PDE8B: variants seen among roughly 807,000 people sequenced by gnomAD.
PDE8B encodes the protein phosphodiesterase 8B.
Under a neutral mutation model 101.3 loss-of-function variants are expected in PDE8B, and 26 were observed. That is an observed-to-expected ratio of 0.26 (90% CI 0.19 to 0.36). The LOEUF (loss-of-function observed/expected upper bound fraction) is 0.36, where lower values mean the gene tolerates loss of function less well. PDE8B is among the 10% of genes least tolerant of loss of function. The pLI is 1.00. For synonymous variants in PDE8B, 424 were observed against 429.3 expected, an observed-to-expected ratio of 0.99 and a Z score of 0.15; for missense variants, 810 against 1,163.1, an observed-to-expected ratio of 0.70 and a Z score of 4.42.
At chr5:77,263,666 C>G (rs1169648267) in intron 1 of PDE8B, among the ~76,000 whole-genome samples, 1 of 152,092 alleles carries the variant, frequency 6.6e-6, no homozygotes, top group African/African-American at 2.4e-5. Context: ...TTTCCAAGAC[C>G]CCTTGCCCAA....
chr5:77,179,246 C>T, the PDE8B span, among the ~76,000 whole-genome samples: 1 of 152,202 alleles, frequency 6.6e-6, no homozygotes, highest in Non-Finnish European at 1.5e-5. Flanking sequence ...AATAATTTTT[C>T]CTCGTTTTAT....
In PDE8B at chr5:77,420,005, G is replaced by A. The variant is rs1796304856; in HGVS notation, c.2250+118G>A. On this transcript the variant is annotated intron_variant, in intron 19 of 21. Transcript: ENST00000264917. ...GTAAGGTGGTTATTTACTTGGAGTT[G>A]ATAAAGGGCTGAAAGGACTGGCCAC... is the stretch of plus-strand genomic sequence containing the variant. The A allele has an allele frequency of 1.2e-5, 14 of 1,201,502 alleles. No homozygotes were observed. The East Asian group carries it at 3.4e-4, about 29-fold the overall frequency. 74.4% of individuals were successfully genotyped at this position (1,201,502 alleles called of 1,614,324 possible). A position where few individuals can be genotyped will look rare whatever the true frequency, so the allele number is the denominator to read the frequency against.
the PDE8B span, among the ~76,000 whole-genome samples, chr5:77,190,370 A>AG: frequency 2.0e-5 from 3 of 152,184 alleles, no homozygotes. Context: ...TCTAAAGGAG[A>AG]GGGGTAGATC....
At chr5:77,374,926 G>A (rs1785776449) in intron 10 of PDE8B, among the ~76,000 whole-genome samples, 1 of 152,110 alleles carries the variant, frequency 6.6e-6, no homozygotes, top group Admixed American at 6.6e-5. Flanking sequence ...GTCAGTAGGT[G>A]TCTTTGCCTA....
chr5:77,380,913 A>T (rs1787327521), intron 10 of PDE8B, among the ~76,000 whole-genome samples: 1 of 152,234 alleles, frequency 6.6e-6, no homozygotes, highest in African/African-American at 2.4e-5. Flanking sequence ...TCTGGAAGAC[A>T]AATAGGCAGA....
chr5:77,293,484 C>T (rs1015043809), intron 1 of PDE8B, among the ~76,000 whole-genome samples: 2 of 152,080 alleles, frequency 1.3e-5, no homozygotes, highest in African/African-American at 2.4e-5. Context: ...GCATCTCATT[C>T]CATTTATTTC....
the PDE8B span, chr5:77,111,923 C>T: frequency 3.3e-5 from 5 of 152,022 alleles, no homozygotes; most frequent in Admixed American, 6.6e-5. Context: ...ACTCATCCTT[C>T]GAGACTCTGT....
chr5:77,234,380 A>G (rs1754246274), intron 1 of PDE8B, among the ~76,000 whole-genome samples: 1 of 151,562 alleles, frequency 6.6e-6, no homozygotes, highest in South Asian at 2.1e-4. Flanking sequence ...ACTCACCCTC[A>G]CCCAACTCCA....
chr5:77,126,009 G>T, the PDE8B span, among the ~76,000 whole-genome samples: 9 of 152,132 alleles, frequency 5.9e-5, no homozygotes, highest in Non-Finnish European at 1.2e-4. Context: ...AGTTACAGCC[G>T]GGCTCAGTGG....
intron 1 of PDE8B, among the ~76,000 whole-genome samples, chr5:77,219,090 G>A (rs1750480982): frequency 6.6e-6 from 1 of 152,178 alleles, no homozygotes; most frequent in Non-Finnish European, 1.5e-5. Flanking sequence ...TGACTGTTGA[G>A]CCTGCACTCA....
intron 1 of PDE8B, among the ~76,000 whole-genome samples, chr5:77,213,263 AT>A (rs1748887746): frequency 6.6e-6 from 1 of 152,366 alleles, no homozygotes; most frequent in African/African-American, 2.4e-5. Context: ...TAAGAGCTTA[AT>A]TCACTCTAAC....
intron 1 of PDE8B, among the ~76,000 whole-genome samples, chr5:77,310,576 G>C (rs1267528549): frequency 1.3e-5 from 2 of 152,232 alleles, no homozygotes; most frequent in Non-Finnish European, 2.9e-5. Context: ...CACAGGCTCA[G>C]GGACTCAAAG....
the PDE8B span, among the ~76,000 whole-genome samples, chr5:77,161,123 T>TA: frequency 6.6e-6 from 1 of 152,172 alleles, no homozygotes; most frequent in African/African-American, 2.4e-5. Flanking sequence ...TTAAAGTATA[T>TA]AATTCAGTGA....
intron 18 of PDE8B, among the ~76,000 whole-genome samples, chr5:77,418,839 G>GC (rs1459387257): frequency 6.6e-6 from 1 of 152,142 alleles, no homozygotes; most frequent in Non-Finnish European, 1.5e-5. Context: ...GTCCCACAGA[G>GC]CGGGAGCACG....
At chr5:77,193,037 C>T in the PDE8B span, among the ~76,000 whole-genome samples, 48 of 152,134 alleles carry the variant, frequency 3.2e-4, no homozygotes, top group African/African-American at 1.1e-3. Flanking sequence ...GGTTGTTTGA[C>T]TTCTGATTAT....
At chr5:77,308,549 A>G (rs1771788051) in intron 1 of PDE8B, among the ~76,000 whole-genome samples, 1 of 152,210 alleles carries the variant, frequency 6.6e-6, no homozygotes, top group African/African-American at 2.4e-5. Flanking sequence ...TAGGTCAGAC[A>G]GGAGTTAGAA....
chr5:77,394,263 G>A (rs1790551247), intron 10 of PDE8B, among the ~76,000 whole-genome samples: 1 of 152,120 alleles, frequency 6.6e-6, no homozygotes, highest in South Asian at 2.1e-4. Context: ...AGGTGAGGGA[G>A]CTGTTTGTCA....
At chr5:77,337,640 T>C (rs1234488584) in intron 6 of PDE8B, among the ~76,000 whole-genome samples, 1 of 152,198 alleles carries the variant, frequency 6.6e-6, no homozygotes, top group Non-Finnish European at 1.5e-5. Flanking sequence ...CTTCCTACTT[T>C]CAATATTTAT....
chr5:77,342,990 C>A (rs1171389648), intron 6 of PDE8B, among the ~76,000 whole-genome samples: 1 of 152,234 alleles, frequency 6.6e-6, no homozygotes, highest in Admixed American at 6.5e-5. Context: ...GGAGACTTAA[C>A]TTCTCCATGA....
Sources: gnomAD v4.1 joint callset for allele counts (sites outside exome capture counted in the v4.1 genomes callset) on GRCh38, gnomAD v4.1.1 for gene constraint, MANE v1.5 for transcripts, NCBI Gene and HGNC (gene_info 2026-07-23, HGNC 2026-07-21) for gene names.